AGMO: variants seen among roughly 807,000 people sequenced by gnomAD.
The protein encoded by AGMO is glyceryl-ether monooxygenase.
AGMO carries 75 observed loss-of-function variants against 60.2 expected under a neutral mutation model. That is an observed-to-expected ratio of 1.25 (90% confidence interval 1.03 to 1.51). The LOEUF is 1.51. Ranked by LOEUF, AGMO falls within the 40% of genes most tolerant of loss-of-function variation. The pLI is 0.00. For synonymous variants in AGMO, 261 were observed against 177.1 expected, an observed-to-expected ratio of 1.47 and a Z score of -3.76; for missense variants, 763 against 525.5, an observed-to-expected ratio of 1.45 and a Z score of -4.42.
chr7:15,182,092 C>A, the AGMO span, among the ~76,000 whole-genome samples: 1 of 151,886 alleles, frequency 6.6e-6, no homozygotes, highest in East Asian at 1.9e-4. Context: ...GTGAAATAAG[C>A]CAGTCAAAAA....
At chr7:15,174,915 A>G in the AGMO span, among the ~76,000 whole-genome samples, 2 of 151,984 alleles carry the variant, frequency 1.3e-5, no homozygotes, top group East Asian at 1.9e-4. Context: ...ATATAAGCCA[A>G]ACTTAATTCT....
chr7:15,424,199 G>A (rs904157092), intron 4 of AGMO, among the ~76,000 whole-genome samples: 1 of 152,024 alleles, frequency 6.6e-6, no homozygotes, highest in East Asian at 1.9e-4. Flanking sequence ...TGTGGCAATG[G>A]CTGTTCAGTT....
At chr7:15,238,983 G>A (rs932211611) in intron 12 of AGMO, among the ~76,000 whole-genome samples, 5 of 151,934 alleles carry the variant, frequency 3.3e-5, no homozygotes, top group South Asian at 2.1e-4. Context: ...AGTATTATCC[G>A]CCATTTTACA....
chr7:15,416,500 A>G (rs1342324799), intron 5 of AGMO, among the ~76,000 whole-genome samples: 2 of 152,148 alleles, frequency 1.3e-5, no homozygotes, highest in African/African-American at 2.4e-5. Flanking sequence ...GGAGAACTGA[A>G]TCTTCTTCAC....
intron 3 of AGMO, among the ~76,000 whole-genome samples, chr7:15,533,003 A>T (rs2128543305): frequency 6.6e-6 from 1 of 152,262 alleles, no homozygotes; most frequent in African/African-American, 2.4e-5. Flanking sequence ...AAGACAAAAC[A>T]AAACAAACAA....
At chr7:15,262,936 G>A (rs1783317139) in intron 12 of AGMO, among the ~76,000 whole-genome samples, 1 of 151,872 alleles carries the variant, frequency 6.6e-6, no homozygotes, top group South Asian at 2.1e-4. Context: ...ACCCAAGATG[G>A]ATCAAAGACT....
At chr7:15,269,119 A>G (rs1783520639) in intron 12 of AGMO, among the ~76,000 whole-genome samples, 1 of 152,122 alleles carries the variant, frequency 6.6e-6, no homozygotes, top group Admixed American at 6.6e-5. Flanking sequence ...ATGTGAAAGT[A>G]GGCATAGATA....
At chr7:15,468,215 C>T (rs934200837) in intron 3 of AGMO, among the ~76,000 whole-genome samples, 1 of 152,144 alleles carries the variant, frequency 6.6e-6, no homozygotes, top group Non-Finnish European at 1.5e-5. Flanking sequence ...CTGTTACATC[C>T]CTTGTAATAT....
rs1025788326 is a variant in AGMO, at chr7:15,257,432, G to T, written c.1264-56073C>A. ...TTCACCTATATTCTTATAAGAATGA[G>T]ATATTTATTATTGATATTGCATTGA... is the stretch of plus-strand genomic sequence containing the variant. On this transcript the variant is annotated intron_variant, in intron 12 of 12. Coordinates refer to ENST00000342526, the MANE Select transcript of AGMO (RefSeq NM_001004320.2). Among the ~76,000 whole-genome samples, 6 of 152,180 alleles carry T rather than the reference G, an allele frequency of 3.9e-5. No individual in the cohort carries two copies. The East Asian group carries it at 1.2e-3, about 29-fold the overall frequency.
At chr7:15,352,282 C>G (rs1260685752) in intron 12 of AGMO, among the ~76,000 whole-genome samples, 3 of 152,030 alleles carry the variant, frequency 2.0e-5, no homozygotes, top group Non-Finnish European at 2.9e-5. Context: ...CTTGTCCTGC[C>G]TATTTAAAAA....
At chr7:15,307,761 A>C (rs1290498403) in intron 12 of AGMO, among the ~76,000 whole-genome samples, 5 of 151,916 alleles carry the variant, frequency 3.3e-5, no homozygotes, top group Admixed American at 3.3e-4. Context: ...CCACAAACAA[A>C]CTCAGTATCT....
chr7:15,384,307 ATATTT>A (rs1783824016), intron 10 of AGMO, among the ~76,000 whole-genome samples: 2 of 152,100 alleles, frequency 1.3e-5, no homozygotes, highest in Non-Finnish European at 2.9e-5. Flanking sequence ...CATGCTAGTT[ATATTT>A]TTATATTTTT....
chr7:15,398,390 C>T (rs1384591195), intron 5 of AGMO, among the ~76,000 whole-genome samples: 4 of 152,102 alleles, frequency 2.6e-5, no homozygotes, highest in South Asian at 2.1e-4. Flanking sequence ...AAGCCAAGTA[C>T]AACACAGTCA....
At position 15,207,174 on chromosome 7, in the gene AGMO, G is replaced by A. The variant is rs913545295; in HGVS notation, c.1264-5815C>T. On this transcript the variant is annotated intron_variant, in intron 12 of 12. Coordinates refer to ENST00000342526, the MANE Select transcript of AGMO (RefSeq NM_001004320.2). Reference sequence around the variant, plus strand: ...TAGAGATCATTTAGAGGTCTCCAGAGCCTACCCATAATTCAGAGAATATAC... The same window carrying A: ...TAGAGATCATTTAGAGGTCTCCAGAACCTACCCATAATTCAGAGAATATAC... Among the ~76,000 whole-genome samples, 4 of 152,134 alleles carry A rather than the reference G, an allele frequency of 2.6e-5. No homozygotes were observed. The East Asian group carries it at 5.8e-4, about 22-fold the overall frequency.
chr7:15,336,321 A>T (rs1463198744), intron 12 of AGMO, among the ~76,000 whole-genome samples: 1 of 152,140 alleles, frequency 6.6e-6, no homozygotes, highest in Non-Finnish European at 1.5e-5. Context: ...CTCAATGCCA[A>T]CTAAATCAAA....
At chr7:15,161,354 A>T in the AGMO span, among the ~76,000 whole-genome samples, 1 of 152,122 alleles carries the variant, frequency 6.6e-6, no homozygotes, top group East Asian at 1.9e-4. Context: ...TGGCCTTTAG[A>T]CTCAAGCTGC....
chr7:15,348,567 T>C (rs1222906277), intron 12 of AGMO, among the ~76,000 whole-genome samples: 1 of 152,126 alleles, frequency 6.6e-6, no homozygotes, highest in Admixed American at 6.6e-5. Context: ...TTTGTATTTT[T>C]CTTCTTTCTA....
intron 12 of AGMO, among the ~76,000 whole-genome samples, chr7:15,207,839 C>G (rs2115472837): frequency 6.6e-6 from 1 of 152,268 alleles, no homozygotes; most frequent in Non-Finnish European, 1.5e-5. Flanking sequence ...GAAGCTGAGA[C>G]AGGAGATTGG....
At chr7:15,199,310 A>G (rs1335854812), downstream of AGMO, among the ~76,000 whole-genome samples, 1 of 152,196 alleles carries the variant, frequency 6.6e-6, no homozygotes, top group Non-Finnish European at 1.5e-5. Context: ...GGTAAACCCA[A>G]GAGAGAAGAG....
Sources: gnomAD v4.1 joint callset for allele counts (sites outside exome capture counted in the v4.1 genomes callset) on GRCh38, gnomAD v4.1.1 for gene constraint, MANE v1.5 for transcripts, NCBI Gene and HGNC (gene_info 2026-07-23, HGNC 2026-07-21) for gene names.